The following BICDL1 variants were observed in gnomAD, a reference collection of about 807,000 sequenced individuals.
BICDL1 encodes BICD family like cargo adaptor 1.
A neutral mutation model predicts 76.8 loss-of-function variants in BICDL1; 20 were observed. The ratio of observed to expected loss-of-function variants is 0.26; its 90% confidence interval spans 0.18 to 0.38. The LOEUF is 0.38. BICDL1 is among the 10% of genes least tolerant of loss of function. The probability of loss-of-function intolerance (pLI) is 1.00; values close to 1 mark genes in which losing one functional copy is unlikely to be tolerated. For synonymous variants in BICDL1, 383 were observed against 337.1 expected (o/e 1.14, Z -1.49); for missense variants, 700 against 798.6 (o/e 0.88, Z 1.49).
chr12:120,005,329 G>A (rs2138639832), intron 2 of BICDL1, among the ~76,000 whole-genome samples: 1 of 152,236 alleles, frequency 6.6e-6, no homozygotes, highest in South Asian at 2.1e-4. Flanking sequence ...ATACACACAT[G>A]CACACATGTT....
chr12:120,018,406 C>CA (rs1250025787), intron 2 of BICDL1, among the ~76,000 whole-genome samples: 2 of 152,160 alleles, frequency 1.3e-5, no homozygotes, highest in East Asian at 3.9e-4. Context: ...CTGAGAGTTC[C>CA]AAGGCACTGG....
chr12:120,006,460 T>G (rs1272094398), intron 2 of BICDL1, among the ~76,000 whole-genome samples: 1 of 152,152 alleles, frequency 6.6e-6, no homozygotes, highest in Non-Finnish European at 1.5e-5. Context: ...CTGAAAATAA[T>G]GCAGGAAGTT....
At chr12:120,049,494 G>A (rs1952812147) in intron 2 of BICDL1, among the ~76,000 whole-genome samples, 1 of 152,210 alleles carries the variant, frequency 6.6e-6, no homozygotes, top group Non-Finnish European at 1.5e-5. Context: ...TCTCTGGAAA[G>A]GTTGTCTTTT....
chr12:120,060,825 C>T (rs972467187), intron 2 of BICDL1, among the ~76,000 whole-genome samples: 1 of 152,232 alleles, frequency 6.6e-6, no homozygotes, highest in Non-Finnish European at 1.5e-5. Context: ...CCTACCACTT[C>T]AACATTATCA....
intron 2 of BICDL1, among the ~76,000 whole-genome samples, chr12:120,015,997 A>G (rs974578923): frequency 2.0e-5 from 3 of 152,130 alleles, no homozygotes; most frequent in African/African-American, 7.2e-5. Context: ...CCATAATCCA[A>G]TTTTAGAACA....
At chr12:120,073,378 G>A (rs1594200868) in intron 6 of BICDL1, among the ~76,000 whole-genome samples, 1 of 152,226 alleles carries the variant, frequency 6.6e-6, no homozygotes, top group African/African-American at 2.4e-5. Context: ...AGTAAAAACT[G>A]TAAGTTGCTA....
intron 9 of BICDL1, chr12:120,090,667 C>T: frequency 2.8e-6 from 1 of 363,174 alleles, no homozygotes; most frequent in Middle Eastern, 1.0e-3. Flanking sequence ...TGGGTATAAA[C>T]ATTAATATTT....
At chr12:120,089,539 C>T (rs962851413) in intron 8 of BICDL1, among the ~76,000 whole-genome samples, 1 of 152,160 alleles carries the variant, frequency 6.6e-6, no homozygotes, top group African/African-American at 2.4e-5. Context: ...TGTGCCACCA[C>T]GCCTGGCTAA....
At chr12:120,088,868 G>GTA (rs1874678314) in intron 8 of BICDL1, among the ~76,000 whole-genome samples, 1 of 151,246 alleles carries the variant, frequency 6.6e-6, no homozygotes, top group Admixed American at 6.6e-5. Flanking sequence ...GGGTTTCACT[G>GTA]TTAGCCAGGA....
intron 6 of BICDL1, 113 bp downstream of exon 6, chr12:120,072,842 G>C: frequency 1.1e-6 from 1 of 873,836 alleles, no homozygotes; most frequent in African/African-American, 1.7e-5. Flanking sequence ...TAAAATATCT[G>C]CAAGAATTCT....
At position 120,093,100 on chromosome 12, in the gene BICDL1, G is replaced by T. The variant is rs762911693; in HGVS notation, c.1805G>T (p.Arg602Leu). ...AALCRGHSAG[R>L]GDEPSIAEGK... Reference sequence around the variant, plus strand: ...CTCTGCAGGGGCCACAGCGCTGGGCGGGGGGATGAGCCCAGCATCGCTGAA... The same window carrying T: ...CTCTGCAGGGGCCACAGCGCTGGGCTGGGGGATGAGCCCAGCATCGCTGAA... Residue 602 changes from arginine (R) to leucine (L), a missense_variant, in exon 10 of 10, where the codon CGG becomes CTG. Coordinates refer to ENST00000548673, the MANE Select transcript of BICDL1 (RefSeq NM_001367886.1). 4.3e-6 allele frequency: 7 copies of T among 1,612,848 alleles called. No homozygotes were observed. Among genetic ancestry groups the T allele is most frequent in the South Asian group, 2.2e-5 (2 of 90,952 alleles).
intron 2 of BICDL1, among the ~76,000 whole-genome samples, chr12:120,055,708 T>C (rs2138871296): frequency 6.6e-6 from 1 of 152,368 alleles, no homozygotes; most frequent in East Asian, 1.9e-4. Context: ...GTTTTGAAGA[T>C]ATTAGAAATA....
chr12:120,007,454 A>ACC (rs1158472738), intron 2 of BICDL1, among the ~76,000 whole-genome samples: 1 of 151,212 alleles, frequency 6.6e-6, no homozygotes, highest in Non-Finnish European at 1.5e-5. Flanking sequence ...AGTGTCCCCC[A>ACC]CCCCCCACGT....
At chr12:120,002,189 G>A (rs1476626921) in intron 2 of BICDL1, among the ~76,000 whole-genome samples, 1 of 152,132 alleles carries the variant, frequency 6.6e-6, no homozygotes, top group Non-Finnish European at 1.5e-5. Context: ...TTATAAGGAC[G>A]CCAACCATAT....
chr12:120,045,726 A>G (rs951367611), intron 2 of BICDL1, among the ~76,000 whole-genome samples: 9 of 140,176 alleles, frequency 6.4e-5, no homozygotes, highest in African/African-American at 2.4e-4. Context: ...CAATGAGAAC[A>G]CATGGACATA....
At chr12:120,025,915 G>A (rs1952290552) in intron 2 of BICDL1, among the ~76,000 whole-genome samples, 1 of 151,932 alleles carries the variant, frequency 6.6e-6, no homozygotes, top group Non-Finnish European at 1.5e-5. Flanking sequence ...TCAGCTCACT[G>A]CAACCTCCAC....
rs139841558 is a variant in BICDL1 at position 119,999,652 on chromosome 12, A to G, written c.645+916A>G. ...CAAGGCTGTAAAATCATTTCAAGGAAGGAGGTTGAGGCTAAATAGATGGAA... is the reference window on the plus strand; with the variant it reads ...CAAGGCTGTAAAATCATTTCAAGGAGGGAGGTTGAGGCTAAATAGATGGAA... On this transcript the variant is annotated intron_variant, in intron 2 of 9. Coordinates refer to ENST00000548673, the MANE Select transcript of BICDL1 (RefSeq NM_001367886.1). The G allele has an allele frequency of 2.1e-3, 613 of 288,654 alleles. 7 individuals carry two copies. Among genetic ancestry groups the G allele is most frequent in the African/African-American group, 0.012 (546 of 44,868 alleles). The allele number at this position is 288,654 out of a possible 1,614,324, so 17.9% of individuals were successfully genotyped here. A position where few individuals can be genotyped will look rare whatever the true frequency, so the allele number is the denominator to read the frequency against.
intron 2 of BICDL1, among the ~76,000 whole-genome samples, chr12:120,056,059 C>T (rs576566226): frequency 6.6e-6 from 1 of 152,248 alleles, no homozygotes; most frequent in Non-Finnish European, 1.5e-5. Flanking sequence ...GGTAGATCTA[C>T]ATAGATACAT....
intron 2 of BICDL1, among the ~76,000 whole-genome samples, chr12:120,037,112 T>G (rs568033797): frequency 2.2e-4 from 34 of 152,304 alleles, no homozygotes; most frequent in Non-Finnish European, 4.3e-4. Flanking sequence ...CCTGCTTGAA[T>G]GCAGTACTAC....
Sources: allele counts gnomAD v4.1 joint callset (sites outside exome capture counted in the v4.1 genomes callset), GRCh38; gene constraint gnomAD v4.1.1; transcripts MANE v1.5; gene names NCBI Gene and HGNC (gene_info 2026-07-23, HGNC 2026-07-21).